LEPR: variants seen among roughly 807,000 people sequenced by gnomAD.
LEPR encodes the protein leptin receptor.
LEPR carries 56 observed loss-of-function variants against 114.7 expected under a neutral mutation model. The observed-to-expected ratio is 0.49, with a 90% CI of 0.39 to 0.61. LEPR has a LOEUF of 0.61. Among genes scored for constraint, LEPR ranks in the 20% least tolerant of loss-of-function variants. The pLI, the probability that LEPR is intolerant of heterozygous loss-of-function variation, is 0.00. For synonymous variants in LEPR, 443 were observed against 461.4 expected (o/e 0.96, Z 0.51); for missense variants, 1,202 against 1,352.9 (o/e 0.89, Z 1.75).
intron 14 of LEPR, among the ~76,000 whole-genome samples, chr1:65,612,293 A>T (rs1657228184): frequency 6.6e-6 from 1 of 152,222 alleles, no homozygotes; most frequent in South Asian, 2.1e-4. Context: ...TCCCACACCA[A>T]GTTTTCTCTA....
At chr1:65,596,669 C>G (rs1027023820) in intron 7 of LEPR, 76 bp downstream of exon 7, 10 of 1,266,038 alleles carry the variant, frequency 7.9e-6, no homozygotes, top group Non-Finnish European at 1.1e-5. Context: ...AGCAATTACC[C>G]TCTGCATACT....
intron 1 of LEPR, among the ~76,000 whole-genome samples, chr1:65,422,369 A>G (rs965221146): frequency 7.9e-6 from 1 of 126,312 alleles, no homozygotes; most frequent in South Asian, 2.8e-4. Context: ...GAGTGTTAGG[A>G]AGAGGCAAGG....
Position 65,605,146 on chromosome 1 carries a change from C to T in LEPR, c.1512C>T (p.Phe504=), listed in dbSNP as rs750944216. Residue 504 remains phenylalanine, a synonymous_variant, in exon 11 of 20, where the codon TTC becomes TTT. Coordinates refer to ENST00000349533, the MANE Select transcript of LEPR (RefSeq NM_002303.6). ...ATGAATGCATTTTCCAGCCAATCTTCCTATTATCTGGCTACACAATGTGGA... is the reference window on the plus strand; with the variant it reads ...ATGAATGCATTTTCCAGCCAATCTTTCTATTATCTGGCTACACAATGTGGA... The part of the protein sequence containing the change: ...GFYECIFQPI[F]LLSGYTMWIR... 3 of 1,613,986 alleles carry T rather than the reference C, an allele frequency of 1.9e-6. No homozygotes were observed. Among genetic ancestry groups the T allele is most frequent in the Admixed American group, 1.7e-5 (1 of 60,002 alleles).
chr1:65,543,314 GT>G (rs1277128882), intron 2 of LEPR, among the ~76,000 whole-genome samples: 1 of 151,692 alleles, frequency 6.6e-6, no homozygotes, highest in African/African-American at 2.4e-5. Flanking sequence ...GGGGTTGTTT[GT>G]TTTTTTCTTA....
intron 2 of LEPR, among the ~76,000 whole-genome samples, chr1:65,530,546 C>G (rs975721139): frequency 6.6e-6 from 1 of 152,158 alleles, no homozygotes; most frequent in Admixed American, 6.5e-5. Flanking sequence ...ATTCATGCCT[C>G]CCCTTTTTAG....
rs1207882623 is a variant in LEPR, at chr1:65,618,021, C to T, written c.2270C>T (p.Ser757Phe). 6.2e-7 allele frequency: 1 copy of T among 1,612,826 alleles called. No homozygotes were observed. Among genetic ancestry groups the T allele is most frequent in the Non-Finnish European group, 8.5e-7 (1 of 1,179,534 alleles). The change falls in exon 16 of 20, where the codon TCC (serine) becomes TTC (phenylalanine). Residue 757 changes from serine to phenylalanine, a missense_variant. By Grantham distance (155) the Ser-to-Phe change is radical. Transcript: ENST00000349533. Reference protein sequence around the residue: ...YPLNSSCVIVSWILSPSDYKL... With the variant: ...YPLNSSCVIVFWILSPSDYKL... ...TTAAACAGCAGTTGTGTGATTGTTT[C>T]CTGGATACTATCACCCAGTGATTAC...
intron 2 of LEPR, among the ~76,000 whole-genome samples, chr1:65,558,535 TTTG>T (rs1557662096): frequency 5.5e-4 from 14 of 25,396 alleles, no homozygotes; most frequent in Non-Finnish European, 6.7e-4. Context: ...AGTTTTTTTT[TTTG>T]TTTTTTTTTT....
chr1:65,537,520 C>A (rs1650864081), intron 2 of LEPR, among the ~76,000 whole-genome samples: 1 of 151,972 alleles, frequency 6.6e-6, no homozygotes, highest in Admixed American at 6.6e-5. Context: ...TTAGCCTACT[C>A]ATTTCACCTC....
chr1:65,630,901 C>A (rs577244072), intron 19 of LEPR, among the ~76,000 whole-genome samples: 6 of 152,082 alleles, frequency 3.9e-5, no homozygotes, highest in Non-Finnish European at 7.4e-5. Flanking sequence ...TTTAAAAATT[C>A]TTTTTTCTTC....
chr1:65,541,514 G>GT (rs951549746), intron 2 of LEPR, among the ~76,000 whole-genome samples: 25 of 148,506 alleles, frequency 1.7e-4, no homozygotes, highest in Middle Eastern at 3.4e-3. Context: ...ATGTTGGAAG[G>GT]TTTTTTTTTT....
chr1:65,634,884 A>T (rs1043038613), intron 19 of LEPR: 23 of 852,992 alleles, frequency 2.7e-5, no homozygotes, highest in African/African-American at 3.7e-5. Context: ...TTCAGAAAAA[A>T]AAAACAGGCA....
chr1:65,430,771 A>G (rs1646470079), intron 2 of LEPR, among the ~76,000 whole-genome samples: 1 of 152,230 alleles, frequency 6.6e-6, no homozygotes, highest in Admixed American at 6.5e-5. Flanking sequence ...TCTGCTCCTG[A>G]GGAACACAGA....
chr1:65,485,183 A>C (rs1457457711), intron 2 of LEPR, among the ~76,000 whole-genome samples: 1 of 152,164 alleles, frequency 6.6e-6, no homozygotes, highest in Admixed American at 6.5e-5. Flanking sequence ...CAATCTTTTC[A>C]TCCATAAAGC....
chr1:65,454,602 A>G (rs1646840425), intron 2 of LEPR, among the ~76,000 whole-genome samples: 1 of 152,104 alleles, frequency 6.6e-6, no homozygotes, highest in Non-Finnish European at 1.5e-5. Context: ...AGAATGTTGA[A>G]TATTGGCCCC....
chr1:65,622,821 T>C, intron 18 of LEPR, 85 bp from the exon 19 acceptor site: 1 of 1,439,714 alleles, frequency 6.9e-7, no homozygotes. Context: ...GGTGGACTAA[T>C]TTCTAGCTTG....
At chr1:65,523,193 C>T (rs1415909357) in intron 2 of LEPR, among the ~76,000 whole-genome samples, 2 of 152,152 alleles carry the variant, frequency 1.3e-5, no homozygotes, top group African/African-American at 2.4e-5. Flanking sequence ...CCATGCTTGA[C>T]CTTCAAGTAT....
At chr1:65,498,601 A>G (rs1648285756) in intron 2 of LEPR, among the ~76,000 whole-genome samples, 1 of 152,098 alleles carries the variant, frequency 6.6e-6, no homozygotes, top group Admixed American at 6.6e-5. Flanking sequence ...TTGCCATGGC[A>G]ACAATAAGTG....
At chr1:65,614,701 T>C (rs1411091174) in intron 14 of LEPR, among the ~76,000 whole-genome samples, 2 of 151,958 alleles carry the variant, frequency 1.3e-5, no homozygotes, top group Non-Finnish European at 2.9e-5. Flanking sequence ...TGAATTAGAG[T>C]TGGGGATATA....
At position 65,638,384 on chromosome 1, in the gene LEPR, T is replaced by G. The variant is rs1360563318; in HGVS notation, c.*1369T>G. 1 of 152,182 alleles carries G rather than the reference T, an allele frequency of 6.6e-6. No individual in the cohort carries two copies. The highest frequency in any genetic ancestry group is 1.5e-5 in the Non-Finnish European group (1 of 68,046). The allele number at this position is 152,182 out of a possible 1,614,324, so 9.4% of individuals were successfully genotyped here. ...GTAAAAAAATTCAAAGACAGCATAT[T>G]GGGCAACAAACTAAATTAAGAAACC... On this transcript the variant is annotated 3_prime_UTR_variant, in exon 20 of 20. Coordinates refer to ENST00000349533, the MANE Select transcript of LEPR (RefSeq NM_002303.6).
Sources: allele counts gnomAD v4.1 joint callset (sites outside exome capture counted in the v4.1 genomes callset), GRCh38; gene constraint gnomAD v4.1.1; transcripts MANE v1.5; gene names NCBI Gene and HGNC (gene_info 2026-07-23, HGNC 2026-07-21).